PTPRD: variants seen among roughly 807,000 people sequenced by gnomAD.
The protein encoded by PTPRD is protein tyrosine phosphatase receptor type D, also known as receptor-type tyrosine-protein phosphatase delta.
In PTPRD, 34 loss-of-function variants were observed where a neutral mutation model predicts 214.5. That is an observed-to-expected ratio of 0.16 (90% CI 0.12 to 0.21). The LOEUF is 0.21. PTPRD is among the 10% of genes least tolerant of loss of function. The probability of loss-of-function intolerance (pLI) is 1.00; values close to 1 mark genes in which losing one functional copy is unlikely to be tolerated. For synonymous variants in PTPRD, 1,128 were observed against 845.7 expected, an observed-to-expected ratio of 1.33 and a Z score of -5.79; for missense variants, 2,545 against 2,398.7, an observed-to-expected ratio of 1.06 and a Z score of -1.27.
intron 7 of PTPRD, among the ~76,000 whole-genome samples, chr9:9,634,398 C>T (rs1323876347): frequency 1.3e-5 from 2 of 152,038 alleles, no homozygotes; most frequent in Non-Finnish European, 2.9e-5. Flanking sequence ...CTAGAAATAT[C>T]AGTGCAACTA....
chr9:9,732,931 G>GA (rs2098224970), intron 7 of PTPRD, among the ~76,000 whole-genome samples: 4 of 151,368 alleles, frequency 2.6e-5, no homozygotes, highest in Admixed American at 2.6e-4. Context: ...AAATTACTAA[G>GA]AAAAAATATA....
chr9:10,413,942 T>C (rs1208985253), intron 2 of PTPRD, among the ~76,000 whole-genome samples: 5 of 151,976 alleles, frequency 3.3e-5, no homozygotes, highest in Non-Finnish European at 5.9e-5. Flanking sequence ...TTACACCATA[T>C]AGAAAGATCA....
rs529846014 is a variant in PTPRD at position 10,530,446 on chromosome 9, AT to A, written c.-600+81951del. Among the ~76,000 whole-genome samples the A allele has an allele frequency of 6.6e-5, 10 of 152,232 alleles. No homozygotes were observed. In the South Asian group the frequency reaches 2.1e-3, roughly 32 times the overall value. On this transcript the variant is annotated intron_variant, in intron 2 of 45. Coordinates refer to ENST00000381196, the MANE Select transcript of PTPRD (RefSeq NM_002839.4). ...CTCACTTTTGTCTTGCAAAAAGTAC[AT>A]TTTTTTCAGAACAAGTGTTCCCTAA...
intron 3 of PTPRD, among the ~76,000 whole-genome samples, chr9:10,087,573 G>C (rs1450473143): frequency 6.6e-6 from 1 of 151,632 alleles, no homozygotes; most frequent in Admixed American, 6.6e-5. Flanking sequence ...GTAACACTAA[G>C]AGACTAATAT....
chr9:8,752,469 G>T (rs1007775233), intron 11 of PTPRD, among the ~76,000 whole-genome samples: 2 of 152,178 alleles, frequency 1.3e-5, no homozygotes, highest in African/African-American at 4.8e-5. Flanking sequence ...GCAACCAGCA[G>T]CCCTCAGGGC....
chr9:8,643,766 G>T (rs756928090), intron 12 of PTPRD, among the ~76,000 whole-genome samples: 1 of 152,208 alleles, frequency 6.6e-6, no homozygotes, highest in African/African-American at 2.4e-5. Context: ...GTACTGACCA[G>T]GGTGGAAGGG....
chr9:10,180,968 T>C (rs548918720), intron 3 of PTPRD, among the ~76,000 whole-genome samples: 1 of 152,182 alleles, frequency 6.6e-6, no homozygotes, highest in Non-Finnish European at 1.5e-5. Flanking sequence ...ATTCAATGAA[T>C]AAACTTTAGA....
intron 4 of PTPRD, among the ~76,000 whole-genome samples, chr9:9,945,313 G>A (rs540812656): frequency 6.6e-6 from 1 of 152,196 alleles, no homozygotes; most frequent in Non-Finnish European, 1.5e-5. Flanking sequence ...TTAGGATATA[G>A]GTGGTATTAT....
rs947229947 is a variant in PTPRD, at chr9:9,301,456, C to T, written c.-203+95993G>A. On this transcript the variant is annotated intron_variant, in intron 9 of 45. Coordinates refer to ENST00000381196, the MANE Select transcript of PTPRD (RefSeq NM_002839.4). The stretch of plus-strand genomic sequence containing the variant: ...AACTAGACTGAGTACTTACTTTAAA[C>T]AGTGAGAAGCATAACAGTGGGGATA... 2.0e-5 allele frequency among the ~76,000 whole-genome samples: 3 copies of T among 151,504 alleles called. No individual in the cohort carries two copies. The Admixed American group carries it at 2.0e-4, about 10-fold the overall frequency.
At chr9:9,117,100 A>G (rs920480855) in intron 10 of PTPRD, among the ~76,000 whole-genome samples, 1 of 152,278 alleles carries the variant, frequency 6.6e-6, no homozygotes, top group African/African-American at 2.4e-5. Flanking sequence ...GAAGGATGCT[A>G]TCTGGACACT....
chr9:10,474,595 A>T (rs1358203248), intron 2 of PTPRD, among the ~76,000 whole-genome samples: 2 of 152,136 alleles, frequency 1.3e-5, no homozygotes, highest in Non-Finnish European at 2.9e-5. Flanking sequence ...AAAATTAACA[A>T]GGATGTTCAA....
At chr9:8,711,723 T>G (rs2098337076) in intron 12 of PTPRD, among the ~76,000 whole-genome samples, 1 of 152,194 alleles carries the variant, frequency 6.6e-6, no homozygotes, top group African/African-American at 2.4e-5. Context: ...GTTTTGCTTT[T>G]TAGAAAGTCC....
rs751114541 is a variant in PTPRD, at chr9:9,935,375, C to CAA, written c.-368+3131_-368+3132insTT. On this transcript the variant is annotated intron_variant, in intron 5 of 45. Coordinates refer to ENST00000381196, the MANE Select transcript of PTPRD (RefSeq NM_002839.4). ...TCCTTAAGCTGATAAGCGACTTCAG[C>CAA]AGTCTCAGGATACAAAATCAATGTA... 3.0e-3 allele frequency among the ~76,000 whole-genome samples: 456 copies of CAA among 152,204 alleles called. 1 individual carries two copies. The highest frequency in any genetic ancestry group is 5.0e-3 in the Non-Finnish European group (340 of 67,988).
chr9:9,871,007 T>A (rs1027396444), intron 5 of PTPRD, among the ~76,000 whole-genome samples: 6 of 152,102 alleles, frequency 3.9e-5, no homozygotes, highest in African/African-American at 1.2e-4. Context: ...TACTACTCCA[T>A]AAAAATTAAG....
chr9:9,420,967 G>A (rs1485549791), intron 8 of PTPRD, among the ~76,000 whole-genome samples: 1 of 151,702 alleles, frequency 6.6e-6, no homozygotes, highest in African/African-American at 2.4e-5. Flanking sequence ...AATATTTTAT[G>A]CCTTCATAAG....
intron 3 of PTPRD, among the ~76,000 whole-genome samples, chr9:10,206,204 ATACCACAGCATG>A (rs1189205830): frequency 3.3e-5 from 5 of 152,204 alleles, no homozygotes; most frequent in African/African-American, 1.2e-4. Context: ...AAGGAATGAA[ATACCACAGCATG>A]TCTGGGAAAC....
intron 6 of PTPRD, among the ~76,000 whole-genome samples, chr9:9,751,722 G>A (rs560425217): frequency 6.6e-6 from 1 of 152,182 alleles, no homozygotes; most frequent in East Asian, 1.9e-4. Flanking sequence ...GAGTGCCAAA[G>A]ATTGCCAGCA....
chr9:10,267,607 G>C (rs183104931), intron 3 of PTPRD, among the ~76,000 whole-genome samples: 2 of 152,184 alleles, frequency 1.3e-5, no homozygotes, highest in African/African-American at 4.8e-5. Context: ...GTTTATTTTT[G>C]GACTGGAATA....
At position 10,208,027 on chromosome 9, in the gene PTPRD, A is replaced by G. The variant is rs142579081; in HGVS notation, c.-545+132936T>C. Among the ~76,000 whole-genome samples the G allele has an allele frequency of 2.1e-3, 315 of 152,336 alleles. 1 individual carries two copies. The highest frequency in any genetic ancestry group is 7.5e-3 in the African/African-American group (311 of 41,582). The stretch of plus-strand genomic sequence containing the variant: ...AGACCTGCACATACACAACATAAAT[A>G]GAGCATCAGAAGTTGTCGATCATAA... On this transcript the variant is annotated intron_variant, in intron 3 of 45. Transcript: ENST00000381196.
Sources: gnomAD v4.1 joint callset for allele counts (sites outside exome capture counted in the v4.1 genomes callset) on GRCh38, gnomAD v4.1.1 for gene constraint, MANE v1.5 for transcripts, NCBI Gene and HGNC (gene_info 2026-07-23, HGNC 2026-07-21) for gene names.